TMEM135: variants seen among roughly 807,000 people sequenced by gnomAD.
TMEM135 encodes the protein transmembrane protein 135.
TMEM135 carries 30 observed loss-of-function variants against 60.3 expected under a neutral mutation model. That is an observed-to-expected ratio of 0.50 (90% CI 0.37 to 0.68). The LOEUF is 0.68. Among genes scored for constraint, TMEM135 ranks in the 30% least tolerant of loss-of-function variants. The probability of loss-of-function intolerance (pLI) is 0.00; values close to 1 mark genes in which losing one functional copy is unlikely to be tolerated. For synonymous variants in TMEM135, 190 were observed against 186.7 expected, an observed-to-expected ratio of 1.02 and a Z score of -0.14; for missense variants, 468 against 548.8, an observed-to-expected ratio of 0.85 and a Z score of 1.47.
chr11:87,047,785 G>T (rs1007737168), intron 1 of TMEM135, among the ~76,000 whole-genome samples: 5 of 120,802 alleles, frequency 4.1e-5, no homozygotes, highest in Non-Finnish European at 8.5e-5. Context: ...CAAAGCAGCC[G>T]GGAAGCTCCA....
At chr11:87,061,769 C>T (rs895560546) in intron 1 of TMEM135, among the ~76,000 whole-genome samples, 2 of 152,046 alleles carry the variant, frequency 1.3e-5, no homozygotes, top group East Asian at 3.8e-4. Context: ...GGGAAAGAAA[C>T]GGGAATAACA....
intron 5 of TMEM135, among the ~76,000 whole-genome samples, chr11:87,159,999 T>C (rs1321084803): frequency 1.3e-5 from 2 of 152,202 alleles, no homozygotes; most frequent in East Asian, 1.9e-4. Flanking sequence ...TTATTTGTCC[T>C]AGGGCATTTA....
At chr11:87,067,226 A>G (rs1186493771) in intron 1 of TMEM135, among the ~76,000 whole-genome samples, 3 of 147,610 alleles carry the variant, frequency 2.0e-5, no homozygotes, top group Admixed American at 6.8e-5. Flanking sequence ...TATGTAGTAT[A>G]TATATATTTT....
intron 5 of TMEM135, among the ~76,000 whole-genome samples, chr11:87,207,342 G>T (rs964130436): frequency 6.6e-6 from 1 of 152,124 alleles, no homozygotes; most frequent in Non-Finnish European, 1.5e-5. Flanking sequence ...AAGTTCCGCT[G>T]TGACTCTCTT....
intron 5 of TMEM135, among the ~76,000 whole-genome samples, chr11:87,183,782 G>A (rs907117714): frequency 2.6e-5 from 4 of 151,160 alleles, no homozygotes; most frequent in African/African-American, 7.3e-5. Context: ...ACGGTAAAAC[G>A]CCATCTCTAC....
rs1462066153 is a variant in TMEM135, at chr11:87,165,695, G to A, written c.462+8289G>A. On this transcript the variant is annotated intron_variant, in intron 5 of 14. Transcript: ENST00000305494. ...TGGACTCTTTACTAGAAAAGCAAGA[G>A]CAAATACATTCAAAAGCTAGCAGAA... Among the ~76,000 whole-genome samples, 9 of 151,430 alleles carry A rather than the reference G, an allele frequency of 5.9e-5. 1 individual carries two copies. Among genetic ancestry groups the A allele is most frequent in the Non-Finnish European group, 5.9e-5 (4 of 68,010 alleles).
chr11:87,274,517 T>C (rs567618549), intron 6 of TMEM135, among the ~76,000 whole-genome samples: 1 of 152,328 alleles, frequency 6.6e-6, no homozygotes, highest in African/African-American at 2.4e-5. Flanking sequence ...TAAAATATGC[T>C]AAATATCTTC....
intron 5 of TMEM135, among the ~76,000 whole-genome samples, chr11:87,158,822 C>A (rs1938781613): frequency 1.3e-5 from 2 of 152,108 alleles, no homozygotes; most frequent in African/African-American, 4.8e-5. Flanking sequence ...TAATTGATCC[C>A]TTTGTATTCT....
intron 5 of TMEM135, among the ~76,000 whole-genome samples, chr11:87,231,379 C>T (rs1940886152): frequency 6.6e-6 from 1 of 152,166 alleles, no homozygotes; most frequent in African/African-American, 2.4e-5. Context: ...ACTGGAAAAT[C>T]TCAAAGATTC....
At chr11:87,215,665 G>A (rs1435371505) in intron 5 of TMEM135, among the ~76,000 whole-genome samples, 1 of 152,204 alleles carries the variant, frequency 6.6e-6, no homozygotes, top group Non-Finnish European at 1.5e-5. Flanking sequence ...AACCCAGGAA[G>A]GATGGGGAAC....
chr11:87,075,469 A>T (rs1246002425), intron 3 of TMEM135, among the ~76,000 whole-genome samples: 1 of 151,766 alleles, frequency 6.6e-6, no homozygotes, highest in African/African-American at 2.4e-5. Context: ...TTTTATTTTT[A>T]TATTAAGTAG....
rs183699182 is a variant in TMEM135 at position 87,181,358 on chromosome 11, G to A, written c.462+23952G>A. ...ATGATAGAAAAGGTATAACAATTAC[G>A]TCATAAGAGACCCAGAGGAGAGGAC... On this transcript the variant is annotated intron_variant, in intron 5 of 14. Transcript: ENST00000305494. Among the ~76,000 whole-genome samples the A allele has an allele frequency of 2.9e-3, 445 of 152,164 alleles. 1 individual carries two copies. Among genetic ancestry groups the A allele is most frequent in the Non-Finnish European group, 5.0e-3 (339 of 67,980 alleles).
chr11:87,231,088 T>C (rs918027206), intron 5 of TMEM135, among the ~76,000 whole-genome samples: 1 of 152,088 alleles, frequency 6.6e-6, no homozygotes, highest in East Asian at 1.9e-4. Context: ...AAGCTTACTG[T>C]CTAGAGAGAA....
chr11:87,293,401 C>A (rs6592353), intron 6 of TMEM135, among the ~76,000 whole-genome samples: 1 of 151,338 alleles, frequency 6.6e-6, no homozygotes, highest in African/African-American at 2.4e-5. Context: ...CTTAAAAAAA[C>A]AACAAAAAAC....
intron 5 of TMEM135, among the ~76,000 whole-genome samples, chr11:87,212,964 TC>T (rs1158712313): frequency 6.6e-6 from 1 of 152,204 alleles, no homozygotes; most frequent in African/African-American, 2.4e-5. Flanking sequence ...TGATTGGTTT[TC>T]TTAGTTTGAC....
intron 3 of TMEM135, among the ~76,000 whole-genome samples, chr11:87,076,276 C>G (rs955356947): frequency 1.3e-5 from 2 of 152,216 alleles, no homozygotes; most frequent in East Asian, 1.9e-4. Flanking sequence ...CTTCCCTCCC[C>G]TTTCCACAGG....
intron 6 of TMEM135, among the ~76,000 whole-genome samples, chr11:87,287,092 T>G (rs1283476502): frequency 2.6e-5 from 4 of 152,208 alleles, no homozygotes; most frequent in African/African-American, 7.2e-5. Flanking sequence ...TAATTGTGCT[T>G]TAGCATGTAT....
chr11:87,145,390 T>C (rs1938386157), intron 4 of TMEM135, among the ~76,000 whole-genome samples: 3 of 152,196 alleles, frequency 2.0e-5, no homozygotes, highest in Admixed American at 1.3e-4. Flanking sequence ...GCAGTGAACA[T>C]AGGGGTGCAG....
At chr11:87,055,095 A>C (rs986553429) in intron 1 of TMEM135, among the ~76,000 whole-genome samples, 2 of 152,216 alleles carry the variant, frequency 1.3e-5, no homozygotes, top group African/African-American at 4.8e-5. Flanking sequence ...GCTATTAAGA[A>C]GACGTTCAGA....
Sources: gnomAD v4.1 joint callset for allele counts (sites outside exome capture counted in the v4.1 genomes callset) on GRCh38, gnomAD v4.1.1 for gene constraint, MANE v1.5 for transcripts, NCBI Gene and HGNC (gene_info 2026-07-23, HGNC 2026-07-21) for gene names.